SGCD: variants seen among roughly 807,000 people sequenced by gnomAD.
The protein encoded by SGCD is sarcoglycan delta, also known as delta-sarcoglycan.
SGCD carries 18 observed loss-of-function variants against 36.6 expected under a neutral mutation model. The ratio of observed to expected loss-of-function variants is 0.49; its 90% CI spans 0.34 to 0.73. The LOEUF is 0.73. Ranked by LOEUF, SGCD falls within the 30% of genes least tolerant of loss-of-function variation. The pLI is 0.01. For missense variants in SGCD, 387 were observed against 346.7 expected, an observed-to-expected ratio of 1.12 and a Z score of -0.92; for synonymous variants, 133 against 130.6, an observed-to-expected ratio of 1.02 and a Z score of -0.12.
At chr5:156,656,081 A>G (rs944348176) in intron 7 of SGCD, among the ~76,000 whole-genome samples, 6 of 152,168 alleles carry the variant, frequency 3.9e-5, no homozygotes, top group African/African-American at 1.4e-4. Flanking sequence ...AAAAAGAGAG[A>G]AAGTTATATA....
chr5:156,400,439 C>T (rs1193991432), intron 3 of SGCD, among the ~76,000 whole-genome samples: 1 of 152,164 alleles, frequency 6.6e-6, no homozygotes, highest in Non-Finnish European at 1.5e-5. Context: ...AATGCATCCA[C>T]ATTTTAAAGG....
intron 3 of SGCD, among the ~76,000 whole-genome samples, chr5:156,199,157 A>G (rs1423536427): frequency 1.3e-5 from 2 of 152,138 alleles, no homozygotes; most frequent in Non-Finnish European, 2.9e-5. Context: ...GAGTCTGTAC[A>G]TGGTCTTTAA....
chr5:156,674,230 T>A (rs1201852400), intron 7 of SGCD, among the ~76,000 whole-genome samples: 1 of 152,310 alleles, frequency 6.6e-6, no homozygotes, highest in Middle Eastern at 3.4e-3. Flanking sequence ...CATTCAATAC[T>A]TTCATGGCTA....
intron 3 of SGCD, among the ~76,000 whole-genome samples, chr5:156,428,041 T>G (rs1321555719): frequency 6.6e-6 from 1 of 152,158 alleles, no homozygotes; most frequent in African/African-American, 2.4e-5. Context: ...AAGGTGATGC[T>G]GGCTTCATAG....
the SGCD span, among the ~76,000 whole-genome samples, chr5:155,756,474 A>G: frequency 3.3e-5 from 5 of 152,124 alleles, no homozygotes; most frequent in Non-Finnish European, 5.9e-5. Flanking sequence ...CAAATTGTTG[A>G]TATCTTGGCC....
At chr5:156,444,274 C>G (rs1289959046) in intron 3 of SGCD, among the ~76,000 whole-genome samples, 1 of 151,534 alleles carries the variant, frequency 6.6e-6, no homozygotes, top group Non-Finnish European at 1.5e-5. Flanking sequence ...GTCAACTCAT[C>G]ATCATTAGAA....
At chr5:156,628,957 CTG>C (rs1002137253) in intron 6 of SGCD, among the ~76,000 whole-genome samples, 32 of 152,286 alleles carry the variant, frequency 2.1e-4, no homozygotes, top group African/African-American at 7.7e-4. Context: ...TAGATAGTCA[CTG>C]TGGAAATTAA....
intron 1 of SGCD, among the ~76,000 whole-genome samples, chr5:156,053,556 A>G (rs1387896586): frequency 6.8e-6 from 1 of 146,130 alleles, no homozygotes; most frequent in African/African-American, 2.5e-5. Flanking sequence ...ACCACAGAAC[A>G]TTAAACTCCA....
chr5:156,029,002 A>T (rs1212901226), intron 1 of SGCD, among the ~76,000 whole-genome samples: 5 of 151,864 alleles, frequency 3.3e-5, no homozygotes, highest in Non-Finnish European at 7.4e-5. Context: ...ACAAAATCAA[A>T]CATTTTTCAT....
At chr5:155,910,138 T>C (rs964420600) in intron 1 of SGCD, among the ~76,000 whole-genome samples, 2 of 152,036 alleles carry the variant, frequency 1.3e-5, no homozygotes, top group Non-Finnish European at 2.9e-5. Flanking sequence ...GGATGGGAAA[T>C]GTGTGTAGGT....
At chr5:155,947,587 C>T (rs1484034322) in intron 1 of SGCD, among the ~76,000 whole-genome samples, 1 of 152,076 alleles carries the variant, frequency 6.6e-6, no homozygotes, top group Non-Finnish European at 1.5e-5. Flanking sequence ...CTCCCAGGCT[C>T]AGTTTCTTTG....
At chr5:156,442,552 G>A (rs185342075) in intron 3 of SGCD, among the ~76,000 whole-genome samples, 107 of 152,280 alleles carry the variant, frequency 7.0e-4, no homozygotes, top group African/African-American at 2.5e-3. Flanking sequence ...CAGTAGGCAG[G>A]CACTTTTGTA....
chr5:155,908,513 T>A (rs535772047), intron 1 of SGCD, among the ~76,000 whole-genome samples: 1 of 152,248 alleles, frequency 6.6e-6, no homozygotes, highest in East Asian at 1.9e-4. Flanking sequence ...GATGAAGACA[T>A]TGAGAGTCTA....
intron 3 of SGCD, among the ~76,000 whole-genome samples, chr5:156,295,265 T>C (rs1166194813): frequency 1.3e-5 from 2 of 152,168 alleles, no homozygotes; most frequent in Non-Finnish European, 2.9e-5. Context: ...TGGTGTACAA[T>C]TGCTCATCAT....
At chr5:155,855,877 A>G in the SGCD span, among the ~76,000 whole-genome samples, 40,152 of 151,998 alleles carry the variant, frequency 0.26, 5,928 homozygotes, top group Admixed American at 0.46. Flanking sequence ...TAATCCAGAG[A>G]TTTTTAGCAG....
intron 1 of SGCD, among the ~76,000 whole-genome samples, chr5:155,952,878 G>A (rs2113433972): frequency 1.3e-5 from 2 of 152,326 alleles, no homozygotes; most frequent in East Asian, 3.9e-4. Flanking sequence ...GCTGGTGCCA[G>A]CATGGGGCTT....
At chr5:156,536,442 T>C (rs1296750421) in intron 4 of SGCD, among the ~76,000 whole-genome samples, 1 of 152,222 alleles carries the variant, frequency 6.6e-6, no homozygotes, top group Admixed American at 6.6e-5. Flanking sequence ...TAGGACTTAG[T>C]CATCATCGCA....
At chr5:156,119,198 A>G (rs1231657788) in intron 2 of SGCD, among the ~76,000 whole-genome samples, 1 of 152,040 alleles carries the variant, frequency 6.6e-6, no homozygotes, top group African/African-American at 2.4e-5. Context: ...CTATTAGGAG[A>G]CTGAGATATT....
chr5:156,601,405 A>G (rs1238548507), intron 6 of SGCD, among the ~76,000 whole-genome samples: 1 of 152,108 alleles, frequency 6.6e-6, no homozygotes, highest in Non-Finnish European at 1.5e-5. Context: ...TTTCCCCAAT[A>G]TGTGTTTTTA....
Sources: allele counts gnomAD v4.1 joint callset (sites outside exome capture counted in the v4.1 genomes callset), GRCh38; gene constraint gnomAD v4.1.1; transcripts MANE v1.5; gene names NCBI Gene and HGNC (gene_info 2026-07-23, HGNC 2026-07-21).